Variants in EVA1A observed in about 807,000 individuals in gnomAD.
The protein encoded by EVA1A is eva-1 homolog A, regulator of programmed cell death, also known as protein eva-1 homolog A.
In EVA1A, 7 loss-of-function variants were observed where a neutral mutation model predicts 9.8. That is an observed-to-expected ratio of 0.71 (90% CI 0.41 to 1.34). The LOEUF is 1.34. EVA1A is among the 40% of genes most tolerant of loss of function. The probability of loss-of-function intolerance (pLI) is 0.01; values close to 1 mark genes in which losing one functional copy is unlikely to be tolerated. For synonymous variants in EVA1A, 90 were observed against 85.6 expected (o/e 1.05, Z -0.28); for missense variants, 206 against 205.9 (o/e 1.00, Z 0.00).
At chr2:75,561,847 A>AAG (rs1438477670), upstream of EVA1A, among the ~76,000 whole-genome samples, 1 of 152,216 alleles carries the variant, frequency 6.6e-6, no homozygotes, top group Non-Finnish European at 1.5e-5. Flanking sequence ...GAGCTCCTAG[A>AAG]AGCAGTGTGA....
intron 3 of EVA1A, among the ~76,000 whole-genome samples, chr2:75,506,716 C>G (rs955448341): frequency 6.6e-6 from 1 of 152,120 alleles, no homozygotes; most frequent in African/African-American, 2.4e-5. Context: ...AATTCATTTC[C>G]AAGAGAATGT....
At chr2:75,548,699 G>A (rs1281125732) in intron 1 of EVA1A, among the ~76,000 whole-genome samples, 1 of 152,038 alleles carries the variant, frequency 6.6e-6, no homozygotes, top group Non-Finnish European at 1.5e-5. Flanking sequence ...GAATGAATAT[G>A]CGCCTACAGA....
At position 75,518,141 on chromosome 2, in the gene EVA1A, G is replaced by A. The variant is rs1471464865; in HGVS notation, c.-1C>T. 6.2e-7 allele frequency: 1 copy of A among 1,613,844 alleles called. No homozygotes were observed. The highest frequency in any genetic ancestry group is 8.5e-7 in the Non-Finnish European group (1 of 1,179,896). On this transcript the variant is annotated 5_prime_UTR_variant, in exon 3 of 4. Transcript: ENST00000393913. ...GGCTGTGGCTGAGGGGCAGCCTCAT[G>A]GGACATCCAGAGGGGACCTCCTGGA...
chr2:75,493,745 A>G (rs2103760046), intron 3 of EVA1A, 136 bp from the exon 4 acceptor site: 1 of 710,924 alleles, frequency 1.4e-6, no homozygotes, highest in South Asian at 2.6e-5. Flanking sequence ...CCAATGTGAC[A>G]TATTTTATAA....
At chr2:75,536,673 A>G (rs1471476839) in intron 1 of EVA1A, among the ~76,000 whole-genome samples, 1 of 152,118 alleles carries the variant, frequency 6.6e-6, no homozygotes, top group Non-Finnish European at 1.5e-5. Context: ...ACTAGGAACA[A>G]CTCCTACACA....
intron 1 of EVA1A, among the ~76,000 whole-genome samples, chr2:75,569,139 C>T (rs1677079422): frequency 6.6e-6 from 1 of 151,984 alleles, no homozygotes; most frequent in South Asian, 2.1e-4. Context: ...TGTTTTTTGA[C>T]ATTTTAATTA....
intron 3 of EVA1A, among the ~76,000 whole-genome samples, chr2:75,517,573 G>A (rs1001978172): frequency 4.6e-5 from 7 of 152,032 alleles, no homozygotes; most frequent in African/African-American, 9.7e-5. Flanking sequence ...TCCATACTCC[G>A]CATGCCTTCT....
At chr2:75,543,770 C>A (rs1360519861) in intron 1 of EVA1A, among the ~76,000 whole-genome samples, 1 of 152,160 alleles carries the variant, frequency 6.6e-6, no homozygotes, top group African/African-American at 2.4e-5. Flanking sequence ...GAATTCAGCA[C>A]AGACAAACTG....
rs1674091574 is a variant in EVA1A at position 75,493,272 on chromosome 2, C to T, written c.423G>A (p.Glu141=). 6.2e-7 allele frequency: 1 copy of T among 1,613,850 alleles called. No individual in the cohort carries two copies. The highest frequency in any genetic ancestry group is 1.3e-5 in the African/African-American group (1 of 75,068). Residue 141 remains glutamate (E), a synonymous_variant, in exon 4 of 4, where the codon GAG becomes GAA. Coordinates refer to ENST00000393913, the MANE Select transcript of EVA1A (RefSeq NM_001135032.2). ...IREIWMNGQP[E]VPGTRSLNRY... ...GATTCAGGCTCCTGGTCCCGGGCAC[C>T]TCAGGCTGGCCATTCATCCAGATCT...
At chr2:75,533,782 A>T (rs115174515) in intron 1 of EVA1A, among the ~76,000 whole-genome samples, 3,939 of 150,970 alleles carry the variant, frequency 0.026, 101 homozygotes, top group African/African-American at 0.066. Flanking sequence ...AAAAAATAAT[A>T]ATTATTATTT....
At chr2:75,556,560 T>C (rs933715919) in intron 1 of EVA1A, among the ~76,000 whole-genome samples, 5 of 152,148 alleles carry the variant, frequency 3.3e-5, no homozygotes, top group Non-Finnish European at 2.9e-5. Context: ...CTACAGGAAT[T>C]TGTCTCTCAG....
At chr2:75,555,029 C>G (rs1676652676) in intron 1 of EVA1A, among the ~76,000 whole-genome samples, 1 of 152,198 alleles carries the variant, frequency 6.6e-6, no homozygotes, top group Non-Finnish European at 1.5e-5. Context: ...TAAGTGCCTC[C>G]TATGTGCCAG....
In EVA1A at chr2:75,492,411, T is replaced by TAAAAAAAAA; in HGVS notation, c.*816_*824dup. ...TCCATTCTTTTCTTTGAAATCCAAT[T>TAAAAAAAAA]AAAAAAAAAAAAAAAAACAAAGTGT... On this transcript the variant is annotated 3_prime_UTR_variant, in exon 4 of 4. Coordinates refer to ENST00000393913, the MANE Select transcript of EVA1A (RefSeq NM_001135032.2). 1.4e-5 allele frequency: 2 copies of TAAAAAAAAA among 138,322 alleles called. No individual in the cohort carries two copies. Among genetic ancestry groups the TAAAAAAAAA allele is most frequent in the Non-Finnish European group, 3.1e-5 (2 of 64,880 alleles). 8.6% of individuals were successfully genotyped at this position (138,322 alleles called of 1,614,324 possible). A position where few individuals can be genotyped will look rare whatever the true frequency, so the allele number is the denominator to read the frequency against.
At chr2:75,501,564 T>C (rs1005048508) in intron 3 of EVA1A, among the ~76,000 whole-genome samples, 3 of 152,196 alleles carry the variant, frequency 2.0e-5, no homozygotes, top group African/African-American at 7.2e-5. Flanking sequence ...AAAAAAGGTT[T>C]TGATTTCTGG....
chr2:75,499,495 A>C (rs1674332943), intron 3 of EVA1A, among the ~76,000 whole-genome samples: 1 of 152,178 alleles, frequency 6.6e-6, no homozygotes, highest in Non-Finnish European at 1.5e-5. Context: ...AAAAAAGTCA[A>C]AATCACTGGG....
At chr2:75,531,739 A>T (rs752785794) in intron 1 of EVA1A, among the ~76,000 whole-genome samples, 2 of 152,300 alleles carry the variant, frequency 1.3e-5, no homozygotes, top group East Asian at 3.9e-4. Flanking sequence ...AGAATAATAC[A>T]GTGCAGTTTG....
chr2:75,536,073 G>A (rs1233994025), intron 1 of EVA1A, among the ~76,000 whole-genome samples: 1 of 152,216 alleles, frequency 6.6e-6, no homozygotes, highest in South Asian at 2.1e-4. Context: ...GTTTCTTATA[G>A]TGTATAGTTG....
intron 3 of EVA1A, among the ~76,000 whole-genome samples, chr2:75,509,436 TA>T (rs771342335): frequency 1.3e-5 from 2 of 152,180 alleles, no homozygotes; most frequent in African/African-American, 2.4e-5. Flanking sequence ...CTCATGTTAT[TA>T]AAATTTTTTA....
intron 3 of EVA1A, among the ~76,000 whole-genome samples, chr2:75,515,877 A>G (rs1355538066): frequency 6.6e-6 from 1 of 152,092 alleles, no homozygotes; most frequent in African/African-American, 2.4e-5. Context: ...ACACCCCCCT[A>G]ACAAAGAACA....
Sources: allele counts gnomAD v4.1 joint callset (sites outside exome capture counted in the v4.1 genomes callset), GRCh38; gene constraint gnomAD v4.1.1; transcripts MANE v1.5; gene names NCBI Gene and HGNC (gene_info 2026-07-23, HGNC 2026-07-21).